The following NCALD variants were observed in gnomAD, a reference collection of about 807,000 sequenced individuals.
NCALD encodes neurocalcin delta.
A neutral mutation model predicts 18.6 loss-of-function variants in NCALD; 10 were observed. The ratio of observed to expected loss-of-function variants is 0.54; its 90% confidence interval spans 0.33 to 0.91. The LOEUF (loss-of-function observed/expected upper bound fraction) is 0.91. NCALD is among the 40% of genes least tolerant of loss of function. NCALD has a pLI of 0.03. For synonymous variants in NCALD, 88 were observed against 87.4 expected, an observed-to-expected ratio of 1.01 and a Z score of -0.04; for missense variants, 184 against 247.6, an observed-to-expected ratio of 0.74 and a Z score of 1.72.
intron 4 of NCALD, among the ~76,000 whole-genome samples, chr8:101,875,367 A>G (rs1177862058): frequency 6.6e-6 from 1 of 152,174 alleles, no homozygotes; most frequent in African/African-American, 2.4e-5. Flanking sequence ...CACCATTCAC[A>G]CAGGATTTCC....
intron 4 of NCALD, among the ~76,000 whole-genome samples, chr8:101,880,704 TA>T (rs571255060): frequency 2.4e-4 from 36 of 152,348 alleles, no homozygotes; most frequent in African/African-American, 7.2e-4. Flanking sequence ...AAAGAAAGTT[TA>T]ATTCCAACTA....
upstream of NCALD, among the ~76,000 whole-genome samples, chr8:101,794,998 G>A (rs1812587164): frequency 6.6e-6 from 1 of 152,082 alleles, no homozygotes; most frequent in African/African-American, 2.4e-5. Flanking sequence ...AAGTTCTATG[G>A]CAAGAAAATA....
At chr8:101,789,473 C>A (rs1286593796) in intron 1 of NCALD, among the ~76,000 whole-genome samples, 1 of 152,078 alleles carries the variant, frequency 6.6e-6, no homozygotes, top group Non-Finnish European at 1.5e-5. Context: ...TATTGATATA[C>A]CCACAGTTAT....
intron 2 of NCALD, among the ~76,000 whole-genome samples, chr8:101,709,844 G>C (rs768180279): frequency 2.0e-5 from 3 of 152,230 alleles, no homozygotes; most frequent in Non-Finnish European, 4.4e-5. Flanking sequence ...GAGAGAATCT[G>C]CTGTAAGATG....
intron 3 of NCALD, among the ~76,000 whole-genome samples, chr8:101,893,594 T>C (rs1482031017): frequency 2.4e-5 from 3 of 123,176 alleles, no homozygotes; most frequent in African/African-American, 3.7e-5. Flanking sequence ...TCAAGACCCA[T>C]CAGTGTGCTG....
intron 2 of NCALD, among the ~76,000 whole-genome samples, chr8:101,954,895 G>A (rs1586819685): frequency 6.6e-6 from 1 of 152,294 alleles, no homozygotes; most frequent in East Asian, 1.9e-4. Context: ...TCTTGCCTCT[G>A]ATAGATGATC....
chr8:102,000,315 C>T (rs1013873388), intron 2 of NCALD, among the ~76,000 whole-genome samples: 6 of 152,136 alleles, frequency 3.9e-5, no homozygotes, highest in South Asian at 2.1e-4. Flanking sequence ...AAGATGGCAG[C>T]GAGGCTGGGG....
At chr8:101,777,140 A>C (rs1050990784) in intron 1 of NCALD, among the ~76,000 whole-genome samples, 31 of 152,178 alleles carry the variant, frequency 2.0e-4, no homozygotes, top group African/African-American at 7.0e-4. Context: ...CACTAGCCCC[A>C]TCAGCAAAGA....
intron 2 of NCALD, among the ~76,000 whole-genome samples, chr8:101,996,834 T>A (rs1821256616): frequency 6.6e-6 from 1 of 152,218 alleles, no homozygotes; most frequent in Admixed American, 6.5e-5. Context: ...CAGACAAGAA[T>A]AGCTGCAAAG....
At chr8:102,006,283 G>A (rs1180650935) in intron 2 of NCALD, among the ~76,000 whole-genome samples, 2 of 151,924 alleles carry the variant, frequency 1.3e-5, no homozygotes, top group Non-Finnish European at 2.9e-5. Context: ...AGTTTCCAAG[G>A]CTAAACGTAA....
intron 4 of NCALD, among the ~76,000 whole-genome samples, chr8:101,881,079 G>A (rs1816477166): frequency 6.6e-6 from 1 of 152,042 alleles, no homozygotes; most frequent in African/African-American, 2.4e-5. Context: ...TTTAAGGCAG[G>A]AAGCCTTTAA....
intron 2 of NCALD, among the ~76,000 whole-genome samples, chr8:101,929,941 A>G (rs1006149694): frequency 1.3e-5 from 2 of 151,898 alleles, no homozygotes; most frequent in Non-Finnish European, 2.9e-5. Flanking sequence ...TGTAATCCCA[A>G]CTGCTCAGGA....
At chr8:101,875,582 C>T (rs1370132368) in intron 4 of NCALD, among the ~76,000 whole-genome samples, 1 of 152,088 alleles carries the variant, frequency 6.6e-6, no homozygotes, top group Non-Finnish European at 1.5e-5. Context: ...CCTTTTAATT[C>T]TCTCCTCATT....
At position 101,718,998 on chromosome 8, in the gene NCALD, C is replaced by T. The variant is rs577913879; in HGVS notation, c.378+254G>A. Among the ~76,000 whole-genome samples, 3 of 152,326 alleles carry T rather than the reference C, an allele frequency of 2.0e-5. No homozygotes were observed. In the South Asian group the frequency reaches 6.2e-4, roughly 32 times the overall value. ...TCTTACAACCAATTGCCAATCAGAA[C>T]ATTTTTAAATGCACCTATGACCCGG... On this transcript the variant is annotated intron_variant, in intron 2 of 3. Transcript: ENST00000220931.
chr8:101,888,081 C>T (rs966679966), intron 3 of NCALD, among the ~76,000 whole-genome samples: 1 of 152,166 alleles, frequency 6.6e-6, no homozygotes, highest in African/African-American at 2.4e-5. Flanking sequence ...ATTGCTGAAT[C>T]GGCCACTGTA....
At chr8:101,828,559 C>CTTT (rs11370046) in intron 4 of NCALD, among the ~76,000 whole-genome samples, 10 of 145,930 alleles carry the variant, frequency 6.9e-5, no homozygotes, top group African/African-American at 2.5e-4. Context: ...TAATTTCCTT[C>CTTT]TTTTTTTTTT....
At chr8:101,703,138 C>T (rs570491535) in intron 2 of NCALD, among the ~76,000 whole-genome samples, 19 of 146,204 alleles carry the variant, frequency 1.3e-4, no homozygotes, top group African/African-American at 2.5e-4. Flanking sequence ...ATCTGGGCTG[C>T]GTTCTCTGTT....
chr8:101,719,240 C>T lies in NCALD; in HGVS notation c.378+12G>A. 1 of 1,607,456 alleles carries T rather than the reference C, an allele frequency of 6.2e-7. No homozygotes were observed. The highest frequency in any genetic ancestry group is 8.5e-7 in the Non-Finnish European group (1 of 1,177,200). ...CATGCCCTTCTTTTTTTAAAGGGCTCAGTCTACGTACCTGCACGATCTCTA... is the reference window on the plus strand; with the variant it reads ...CATGCCCTTCTTTTTTTAAAGGGCTTAGTCTACGTACCTGCACGATCTCTA... On this transcript the variant is annotated intron_variant, in intron 2 of 3. Transcript: ENST00000220931.
chr8:101,950,116 C>T (rs1819334388), intron 2 of NCALD: 1 of 152,374 alleles, frequency 6.6e-6, no homozygotes. Context: ...TGCTCTCTCC[C>T]CAAACCCCAC....
Sources: allele counts gnomAD v4.1 joint callset (sites outside exome capture counted in the v4.1 genomes callset), GRCh38; gene constraint gnomAD v4.1.1; transcripts MANE v1.5; gene names NCBI Gene and HGNC (gene_info 2026-07-23, HGNC 2026-07-21).